LHFPL3: variants seen among roughly 807,000 people sequenced by gnomAD.
The protein encoded by LHFPL3 is LHFPL tetraspan subfamily member 3.
Under a neutral mutation model 19.3 loss-of-function variants are expected in LHFPL3, and 5 were observed. The observed-to-expected ratio is 0.26, with a 90% CI of 0.14 to 0.54. The LOEUF (loss-of-function observed/expected upper bound fraction) is 0.54, where lower values mean the gene tolerates loss of function less well. Ranked by LOEUF, LHFPL3 falls within the 20% of genes least tolerant of loss-of-function variation. LHFPL3 has a pLI of 0.94. For synonymous variants in LHFPL3, 133 were observed against 126.2 expected (o/e 1.05, Z -0.36); for missense variants, 249 against 307.4 (o/e 0.81, Z 1.42).
At chr7:104,544,068 G>T (rs1478109342) in intron 1 of LHFPL3, among the ~76,000 whole-genome samples, 1 of 150,800 alleles carries the variant, frequency 6.6e-6, no homozygotes, top group East Asian at 1.9e-4. Context: ...GGTATTAGGA[G>T]TTTGCAATTC....
chr7:104,727,350 T>C (rs372309099), intron 1 of LHFPL3, among the ~76,000 whole-genome samples: 1 of 152,222 alleles, frequency 6.6e-6, no homozygotes. Flanking sequence ...TTGTCAATTT[T>C]TGCTTTTGCT....
chr7:104,397,880 A>G (rs1206755875), intron 1 of LHFPL3, among the ~76,000 whole-genome samples: 2 of 152,190 alleles, frequency 1.3e-5, no homozygotes. Flanking sequence ...AGCACATGCC[A>G]AGGATCCTAT....
At chr7:104,760,185 C>T (rs547154322) in intron 2 of LHFPL3, among the ~76,000 whole-genome samples, 12 of 152,288 alleles carry the variant, frequency 7.9e-5, no homozygotes, top group Admixed American at 7.2e-4. Context: ...ACTTTAAGAA[C>T]CCCTGCTGTA....
chr7:104,646,004 T>TC (rs1791927160), intron 1 of LHFPL3, among the ~76,000 whole-genome samples: 1 of 152,060 alleles, frequency 6.6e-6, no homozygotes, highest in African/African-American at 2.4e-5. Flanking sequence ...CTGGATAGGC[T>TC]CCCCCATAGC....
intron 1 of LHFPL3, among the ~76,000 whole-genome samples, chr7:104,655,088 C>G (rs1792098506): frequency 6.6e-6 from 1 of 152,164 alleles, no homozygotes; most frequent in Non-Finnish European, 1.5e-5. Context: ...TCGTTCCACT[C>G]CCTCCCTCTA....
intron 1 of LHFPL3, among the ~76,000 whole-genome samples, chr7:104,334,740 T>G (rs1789750213): frequency 6.6e-6 from 1 of 152,196 alleles, no homozygotes; most frequent in Non-Finnish European, 1.5e-5. Flanking sequence ...AGAGGCTTTC[T>G]GATGTATAGG....
At chr7:104,681,937 A>G (rs1367087981) in intron 1 of LHFPL3, among the ~76,000 whole-genome samples, 2 of 152,206 alleles carry the variant, frequency 1.3e-5, no homozygotes, top group Non-Finnish European at 1.5e-5. Flanking sequence ...TTCTGCCATC[A>G]GCATATTGCA....
At chr7:104,696,943 C>G (rs933335383) in intron 1 of LHFPL3, among the ~76,000 whole-genome samples, 14 of 152,196 alleles carry the variant, frequency 9.2e-5, no homozygotes, top group African/African-American at 3.4e-4. Flanking sequence ...TTATTTCTCA[C>G]AATTCTGGAG....
chr7:104,686,120 A>C (rs532977197), intron 1 of LHFPL3, among the ~76,000 whole-genome samples: 3 of 152,328 alleles, frequency 2.0e-5, no homozygotes, highest in Admixed American at 6.5e-5. Flanking sequence ...GGTTGAAGGT[A>C]GTAAGGGGAA....
intron 1 of LHFPL3, among the ~76,000 whole-genome samples, chr7:104,595,850 G>T (rs761248480): frequency 6.6e-6 from 1 of 152,276 alleles, no homozygotes; most frequent in East Asian, 1.9e-4. Context: ...GGCTCCATGG[G>T]CATGGGCACT....
intron 2 of LHFPL3, among the ~76,000 whole-genome samples, chr7:104,753,154 T>C (rs1456255660): frequency 1.3e-5 from 2 of 152,332 alleles, no homozygotes; most frequent in East Asian, 1.9e-4. Flanking sequence ...AATGTAACGA[T>C]ACTGAGGCCA....
intron 2 of LHFPL3, chr7:104,752,887 CA>C: frequency 5.8e-6 from 2 of 346,530 alleles, no homozygotes. Flanking sequence ...CCTTCTCCAC[CA>C]GCTCACAGCC....
chr7:104,508,907 C>T (rs1369674675), intron 1 of LHFPL3, among the ~76,000 whole-genome samples: 1 of 151,360 alleles, frequency 6.6e-6, no homozygotes, highest in Non-Finnish European at 1.5e-5. Context: ...TCAATATCAA[C>T]AATGAAATAG....
intron 1 of LHFPL3, among the ~76,000 whole-genome samples, chr7:104,331,920 A>G (rs1239663767): frequency 3.3e-5 from 5 of 151,978 alleles, no homozygotes; most frequent in Non-Finnish European, 5.9e-5. Context: ...AGTGCACTCT[A>G]GTCTGGGAAA....
intron 1 of LHFPL3, among the ~76,000 whole-genome samples, chr7:104,594,953 C>T (rs999556067): frequency 5.3e-5 from 8 of 152,170 alleles, no homozygotes; most frequent in East Asian, 1.9e-4. Flanking sequence ...CTCTTTTCAA[C>T]GTTTTCAGCT....
chr7:104,458,387 G>A (rs1792589111), intron 1 of LHFPL3, among the ~76,000 whole-genome samples: 1 of 152,138 alleles, frequency 6.6e-6, no homozygotes, highest in Non-Finnish European at 1.5e-5. Flanking sequence ...TTTCCCCATT[G>A]TTTGTTTTTG....
Position 104,587,891 on chromosome 7 carries a change from C to T in LHFPL3, c.446-148784C>T, listed in dbSNP as rs536464936. 1.5e-3 allele frequency among the ~76,000 whole-genome samples: 234 copies of T among 152,184 alleles called. 1 individual carries two copies. In the East Asian group the frequency reaches 0.026, roughly 17 times the overall value. ...GCCAGTGATGATGAGCATTTTTTCA[C>T]ATGTCTTTCGGCTGCATAAATCTCT... On this transcript the variant is annotated intron_variant, in intron 1 of 2. Coordinates refer to ENST00000424859, the MANE Select transcript of LHFPL3 (RefSeq NM_199000.3).
At chr7:104,469,200 C>A (rs2115607795) in intron 1 of LHFPL3, among the ~76,000 whole-genome samples, 1 of 152,246 alleles carries the variant, frequency 6.6e-6, no homozygotes, top group South Asian at 2.1e-4. Flanking sequence ...TAAAGGCTGT[C>A]TAGGAACAGA....
intron 1 of LHFPL3, among the ~76,000 whole-genome samples, chr7:104,611,971 T>G (rs1385699089): frequency 6.6e-6 from 1 of 152,178 alleles, no homozygotes; most frequent in Non-Finnish European, 1.5e-5. Context: ...AGCTTCCAAT[T>G]TTCTAGAGTA....
Sources: gnomAD v4.1 joint callset for allele counts (sites outside exome capture counted in the v4.1 genomes callset) on GRCh38, gnomAD v4.1.1 for gene constraint, MANE v1.5 for transcripts, NCBI Gene and HGNC (gene_info 2026-07-23, HGNC 2026-07-21) for gene names.